Variants in C1QTNF2 observed in about 807,000 individuals in gnomAD.
C1QTNF2 encodes the protein C1q and TNF related 2.
In C1QTNF2, 15 loss-of-function variants were observed where a neutral mutation model predicts 17.4. That is an observed-to-expected ratio of 0.86 (90% CI 0.58 to 1.33). The LOEUF (loss-of-function observed/expected upper bound fraction) is 1.33, where lower values mean the gene tolerates loss of function less well. Among genes scored for constraint, C1QTNF2 ranks in the 40% most tolerant of loss-of-function variants. The probability of loss-of-function intolerance (pLI) is 0.00; values close to 1 mark genes in which losing one functional copy is unlikely to be tolerated. For synonymous variants in C1QTNF2, 154 were observed against 163.3 expected (o/e 0.94, Z 0.44); for missense variants, 381 against 392.3 (o/e 0.97, Z 0.24).
chr5:160,368,534 AAAAAAAG>A lies in C1QTNF2; in HGVS notation c.-10+1971_-10+1977del, dbSNP rs1764288212. On this transcript the variant is annotated intron_variant, in intron 1 of 2. Coordinates refer to ENST00000652664, the MANE Select transcript of C1QTNF2 (RefSeq NM_031908.6). The stretch of plus-strand genomic sequence containing the variant: ...GCAACAGAGCGAGACTCCTTCTCAA[AAAAAAAG>A]AAAAAAGAAAAAAAAGAGAAGCTAA... Among the ~76,000 whole-genome samples, 2 of 151,036 alleles carry A rather than the reference AAAAAAAG, an allele frequency of 1.3e-5. 1 individual carries two copies. The highest frequency in any genetic ancestry group is 4.9e-5 in the African/African-American group (2 of 41,190).
At chr5:160,350,860 T>C (rs539351701) in intron 2 of C1QTNF2, among the ~76,000 whole-genome samples, 131 of 152,114 alleles carry the variant, frequency 8.6e-4, no homozygotes, top group Admixed American at 2.4e-3. Context: ...ACACCATTCT[T>C]CTGCCTCAGC....
intron 1 of C1QTNF2, among the ~76,000 whole-genome samples, chr5:160,366,849 C>T (rs567708828): frequency 6.6e-6 from 1 of 151,648 alleles, no homozygotes; most frequent in East Asian, 1.9e-4. Context: ...TATGGCAAAA[C>T]CTCATCTCTA....
chr5:160,349,820 C>G lies in C1QTNF2; in HGVS notation c.245-39G>C, dbSNP rs1282254535. ...CAGCTGGTGTTATGGAGGGTCCTCA[C>G]AGACCTAGGCAGAGGGGTGCGGTGC... On this transcript the variant is annotated intron_variant, in intron 2 of 2. Coordinates refer to ENST00000652664, the MANE Select transcript of C1QTNF2 (RefSeq NM_031908.6). The surrounding 1 kb of genome is among the most constrained non-coding windows in gnomAD (Gnocchi z 4.3). 4 of 1,504,256 alleles carry G rather than the reference C, an allele frequency of 2.7e-6. No homozygotes were observed. In the African/African-American group the frequency reaches 4.2e-5, roughly 16 times the overall value. The allele number at this position is 1,504,256 out of a possible 1,614,324, so 93.2% of individuals were successfully genotyped here. A position where few individuals can be genotyped will look rare whatever the true frequency, so the allele number is the denominator to read the frequency against.
chr5:160,367,673 A>G (rs561129278), intron 1 of C1QTNF2, among the ~76,000 whole-genome samples: 1 of 152,208 alleles, frequency 6.6e-6, no homozygotes, highest in East Asian at 1.9e-4. Context: ...TGAGAAATAA[A>G]TGTCTATTGT....
intron 1 of C1QTNF2, among the ~76,000 whole-genome samples, chr5:160,359,018 T>C (rs1236692323): frequency 6.6e-6 from 1 of 152,142 alleles, no homozygotes; most frequent in African/African-American, 2.4e-5. Context: ...TCCAGCGATC[T>C]ACCCGTTTCA....
chr5:160,362,085 C>T (rs12519408), intron 1 of C1QTNF2, among the ~76,000 whole-genome samples: 61,419 of 151,878 alleles, frequency 0.4, 13,158 homozygotes, highest in Middle Eastern at 0.5. Context: ...GCCGCCCTTA[C>T]GGAGACTGGA....
At chr5:160,363,981 T>C (rs1345823699) in intron 1 of C1QTNF2, among the ~76,000 whole-genome samples, 4 of 152,084 alleles carry the variant, frequency 2.6e-5, no homozygotes, top group African/African-American at 4.8e-5. Flanking sequence ...CTCAGCCCAA[T>C]AGGAAAATGA....
rs762358260 is a variant in C1QTNF2 at position 160,349,393 on chromosome 5, G to A, written c.633C>T (p.Gly211=). 2.9e-5 allele frequency: 47 copies of A among 1,613,968 alleles called. No individual in the cohort carries two copies. The Middle Eastern group carries it at 4.9e-4, about 17-fold the overall frequency. ...ITLANKHLAI[G]LVHNGQYRIR... is the part of the protein sequence containing the mutation. ...TGCGGTACTGGCCGTTGTGCACCAG[G>A]CCGATGGCCAGGTGCTTGTTGGCCA... The change falls in exon 3 of 3, where the codon GGC becomes GGT. Residue 211 remains glycine (G), a synonymous_variant. Coordinates refer to ENST00000652664, the MANE Select transcript of C1QTNF2 (RefSeq NM_031908.6). This position sits in a 1 kb window ranked among gnomAD's most constrained non-coding sequence, Gnocchi z 4.3.
At position 160,349,951 on chromosome 5, in the gene C1QTNF2, G is replaced by C. The variant is rs1763885338; in HGVS notation, c.245-170C>G. ...TGTAAATCCTAATGCTAGCTCTCTG[G>C]AAAATGGAAATGATGATACTTACCT... On this transcript the variant is annotated intron_variant, in intron 2 of 2. Transcript: ENST00000652664. This position sits in a 1 kb window ranked among gnomAD's most constrained non-coding sequence, Gnocchi z 4.3. Among the ~76,000 whole-genome samples the C allele has an allele frequency of 6.6e-6, 1 of 152,212 alleles. No individual in the cohort carries two copies. The highest frequency in any genetic ancestry group is 2.4e-5 in the African/African-American group (1 of 41,454).
At chr5:160,366,336 A>G (rs1581041037) in intron 1 of C1QTNF2, among the ~76,000 whole-genome samples, 1 of 152,342 alleles carries the variant, frequency 6.6e-6, no homozygotes, top group East Asian at 1.9e-4. Context: ...ATATTTAATG[A>G]GATAATGCAG....
Position 160,349,210 on chromosome 5 carries a change from G to C in C1QTNF2, c.816C>G (p.Gly272=), listed in dbSNP as rs1405748706. ...CATCCTGGTCGGCATAGATTAGGAA[G>C]CCCGTAAAGAGGCTGTCTGTCCAGT... The part of the protein sequence containing the change: ...DPYWTDSLFT[G]FLIYADQDDP... The change falls in exon 3 of 3, where the codon GGC becomes GGG. Residue 272 remains glycine, a synonymous_variant. Coordinates refer to ENST00000652664, the MANE Select transcript of C1QTNF2 (RefSeq NM_031908.6). The surrounding 1 kb of genome is among the most constrained non-coding windows in gnomAD (Gnocchi z 4.3). The C allele has an allele frequency of 3.1e-6, 5 of 1,614,070 alleles. No homozygotes were observed. Among genetic ancestry groups the C allele is most frequent in the Non-Finnish European group, 4.2e-6 (5 of 1,179,980 alleles).
chr5:160,367,363 C>A (rs1317726422), intron 1 of C1QTNF2, among the ~76,000 whole-genome samples: 1 of 152,240 alleles, frequency 6.6e-6, no homozygotes, highest in African/African-American at 2.4e-5. Context: ...TACAGGCTGA[C>A]TTGTGTCTCC....
At position 160,348,084 on chromosome 5, in the gene C1QTNF2, T is replaced by C. The variant is rs147218209; in HGVS notation, c.*1084A>G. On this transcript the variant is annotated 3_prime_UTR_variant, in exon 3 of 3. Transcript: ENST00000652664. The stretch of plus-strand genomic sequence containing the variant: ...CACCTGGCACTTTTACTGCAGCTTC[T>C]TAAGCCCCCAGATCCCTGCATACTG... 1 of 152,376 alleles carries C rather than the reference T, an allele frequency of 6.6e-6. No individual in the cohort carries two copies. The highest frequency in any genetic ancestry group is 1.9e-4 in the East Asian group (1 of 5,180). The allele number at this position is 152,376 out of a possible 1,614,324, so 9.4% of individuals were successfully genotyped here.
At chr5:160,355,714 G>A (rs181546462) in intron 1 of C1QTNF2, among the ~76,000 whole-genome samples, 2 of 152,342 alleles carry the variant, frequency 1.3e-5, no homozygotes, top group East Asian at 1.9e-4. Context: ...TTTCCAACCC[G>A]GGGCCTGTGG....
At position 160,349,070 on chromosome 5, in the gene C1QTNF2, C is replaced by T. The variant is rs1763854643; in HGVS notation, c.*98G>A. 6.9e-7 allele frequency: 1 copy of T among 1,458,720 alleles called. No homozygotes were observed. The highest frequency in any genetic ancestry group is 9.2e-7 in the Non-Finnish European group (1 of 1,085,794). The allele number at this position is 1,458,720 out of a possible 1,614,324, so 90.4% of individuals were successfully genotyped here. A position where few individuals can be genotyped will look rare whatever the true frequency, so the allele number is the denominator to read the frequency against. On this transcript the variant is annotated 3_prime_UTR_variant, in exon 3 of 3. Coordinates refer to ENST00000652664, the MANE Select transcript of C1QTNF2 (RefSeq NM_031908.6). The surrounding 1 kb of genome is among the most constrained non-coding windows in gnomAD (Gnocchi z 4.3). ...AGGTGAGCCTGAGGCTAGAACCGCTCACTCGACCCCCCACCCCCAGCCTAC... is the reference window on the plus strand; with the variant it reads ...AGGTGAGCCTGAGGCTAGAACCGCTTACTCGACCCCCCACCCCCAGCCTAC...
chr5:160,358,384 A>G (rs73819855), intron 1 of C1QTNF2, among the ~76,000 whole-genome samples: 5,687 of 152,264 alleles, frequency 0.037, 373 homozygotes, highest in African/African-American at 0.13. Context: ...GGTGTCGAGA[A>G]AGCCTGGGGG....
intron 1 of C1QTNF2, 78 bp from the exon 2 acceptor site, chr5:160,355,098 G>T: frequency 6.9e-7 from 1 of 1,449,822 alleles, no homozygotes. Context: ...GGATGCACAG[G>T]AGGAGGCAGC....
At chr5:160,366,733 C>T (rs1177737686) in intron 1 of C1QTNF2, among the ~76,000 whole-genome samples, 1 of 152,164 alleles carries the variant, frequency 6.6e-6, no homozygotes, top group Admixed American at 6.5e-5. Context: ...GTTAATATTA[C>T]AATGTGCAGG....
chr5:160,358,989 C>A (rs188170452), intron 1 of C1QTNF2, among the ~76,000 whole-genome samples: 4 of 152,036 alleles, frequency 2.6e-5, no homozygotes, highest in Non-Finnish European at 4.4e-5. Flanking sequence ...CCATGTCATC[C>A]GCTGGTCTCA....
Sources: allele counts gnomAD v4.1 joint callset (sites outside exome capture counted in the v4.1 genomes callset), GRCh38; gene constraint gnomAD v4.1.1; non-coding constraint Gnocchi (gnomAD v3.1); transcripts MANE v1.5; gene names NCBI Gene and HGNC (gene_info 2026-07-23, HGNC 2026-07-21).